The following FBXO27 variants were observed in gnomAD, a reference collection of about 807,000 sequenced individuals.
FBXO27 encodes the protein F-box only protein 27.
A neutral mutation model predicts 28.3 loss-of-function variants in FBXO27; 28 were observed. The ratio of observed to expected loss-of-function variants is 0.99; its 90% CI spans 0.73 to 1.36. The LOEUF (loss-of-function observed/expected upper bound fraction) is 1.36. Ranked by LOEUF, FBXO27 falls within the 40% of genes most tolerant of loss-of-function variation. The pLI is 0.00. For missense variants in FBXO27, 388 were observed against 394.1 expected (o/e 0.98, Z 0.13); for synonymous variants, 175 against 167.3 (o/e 1.05, Z -0.36).
chr19:39,016,610 A>AC (rs56852076), intron 1 of FBXO27, among the ~76,000 whole-genome samples: 1 of 147,742 alleles, frequency 6.8e-6, no homozygotes, highest in Non-Finnish European at 1.5e-5. Context: ...AAAAAAAAAA[A>AC]CCCAAAAGCC....
chr19:39,015,445 A>G (rs1292519549), intron 1 of FBXO27, among the ~76,000 whole-genome samples: 1 of 151,016 alleles, frequency 6.6e-6, no homozygotes, highest in Non-Finnish European at 1.5e-5. Context: ...AACCTGGGCA[A>G]CAAAGCAAGA....
intron 2 of FBXO27, among the ~76,000 whole-genome samples, chr19:39,006,561 A>AAAAAAG (rs1975735467): frequency 1.3e-5 from 2 of 151,734 alleles, no homozygotes; most frequent in African/African-American, 2.4e-5. Flanking sequence ...CTCCTTCTCA[A>AAAAAAG]AAAAAGAAAA....
intron 2 of FBXO27, among the ~76,000 whole-genome samples, chr19:39,010,041 C>T (rs1285272230): frequency 6.6e-6 from 1 of 151,960 alleles, no homozygotes; most frequent in Non-Finnish European, 1.5e-5. Flanking sequence ...AACTCCTGGA[C>T]TCAAGTGATC....
intron 2 of FBXO27, among the ~76,000 whole-genome samples, chr19:39,012,635 C>CTTCTT (rs201823960): frequency 2.0e-5 from 3 of 151,214 alleles, no homozygotes; most frequent in Admixed American, 6.6e-5. Context: ...AAATTTTCTT[C>CTTCTT]TTTTTTTTTG....
At chr19:39,012,524 T>A (rs528310951) in intron 2 of FBXO27, among the ~76,000 whole-genome samples, 1 of 152,248 alleles carries the variant, frequency 6.6e-6, no homozygotes, top group South Asian at 2.1e-4. Flanking sequence ...TCCAGAAGGG[T>A]TGGATACAAA....
rs372973327 is a variant in FBXO27 at position 39,026,856 on chromosome 19, C to T, written c.708+14G>A. ...CCCCAGCATCCTTTCCCCAAACCCC[C>T]ATAGGAGACTCACGTGAAGGCAGGC... On this transcript the variant is annotated intron_variant, in intron 5 of 5. Coordinates refer to ENST00000292853, the MANE Select transcript of FBXO27 (RefSeq NM_178820.5). 1.2e-6 allele frequency: 2 copies of T among 1,613,958 alleles called. No individual in the cohort carries two copies. Among genetic ancestry groups the T allele is most frequent in the African/African-American group, 2.7e-5 (2 of 74,920 alleles).
At chr19:39,025,783 G>A (rs1398039999) in intron 5 of FBXO27, among the ~76,000 whole-genome samples, 2 of 152,186 alleles carry the variant, frequency 1.3e-5, no homozygotes, top group Non-Finnish European at 2.9e-5. Flanking sequence ...GGGAGGCCGA[G>A]GCAGGTGGAT....
At chr19:39,013,372 G>A (rs1340397423) in intron 2 of FBXO27, among the ~76,000 whole-genome samples, 2 of 152,206 alleles carry the variant, frequency 1.3e-5, no homozygotes, top group Non-Finnish European at 2.9e-5. Flanking sequence ...GCTCATGCCT[G>A]CAATCCCAGC....
In FBXO27 at chr19:39,031,303, TC is replaced by T. The variant is rs1462361676; in HGVS notation, c.381del (p.Trp127Ter). The stretch of plus-strand genomic sequence containing the variant: ...CAGCCGTCCCCACCGTGTTGCACCA[TC>T]CACTTTCGGAGGCCTTCTGTGAAAT... ...NPCGQEGLRK[W>X]MVQHGGDGWV... On this transcript the variant is annotated frameshift_variant, in exon 3 of 6. Coordinates refer to ENST00000292853, the MANE Select transcript of FBXO27 (RefSeq NM_178820.5). LOFTEE classifies it high-confidence loss of function. The T allele has an allele frequency of 6.2e-7, 1 of 1,613,918 alleles. No homozygotes were observed. Among genetic ancestry groups the T allele is most frequent in the South Asian group, 1.1e-5 (1 of 91,070 alleles).
downstream of FBXO27, among the ~76,000 whole-genome samples, chr19:39,023,276 T>C (rs2072854495): frequency 6.6e-6 from 1 of 152,208 alleles, no homozygotes; most frequent in East Asian, 1.9e-4. Context: ...AATCCACAGA[T>C]GCAGAAGCTA....
At position 39,025,177 on chromosome 19, in the gene FBXO27, A is replaced by C; in HGVS notation, c.*234T>G. ...TCACTTGTGGGTTTCCCCTCAGTAC[A>C]GTAGGGCCCCCCCGCAAAGCAGCAG... On this transcript the variant is annotated 3_prime_UTR_variant, in exon 6 of 6. Transcript: ENST00000292853. 1 of 536,184 alleles carries C rather than the reference A, an allele frequency of 1.9e-6. No homozygotes were observed. The highest frequency in any genetic ancestry group is 3.2e-5 in the East Asian group (1 of 31,570). The allele number at this position is 536,184 out of a possible 1,614,324, so 33.2% of individuals were successfully genotyped here.
At chr19:39,030,533 G>T in intron 4 of FBXO27, 1 of 161,594 alleles carries the variant, frequency 6.2e-6, no homozygotes. Flanking sequence ...ACATCCTTTT[G>T]GGCATGAGCA....
chr19:39,031,550 G>A (rs1436523052), intron 2 of FBXO27: 3 of 615,234 alleles, frequency 4.9e-6, no homozygotes, highest in Non-Finnish European at 8.5e-6. Flanking sequence ...CCTCTCTCGG[G>A]CTCCCAGAAC....
At chr19:39,019,136 G>C (rs1044071685), downstream of FBXO27, among the ~76,000 whole-genome samples, 1 of 147,840 alleles carries the variant, frequency 6.8e-6, no homozygotes, top group East Asian at 2.0e-4. Flanking sequence ...TATAAGAAAG[G>C]CATACTTGCC....
At chr19:39,015,687 CTAAG>C (rs1304296247) in intron 1 of FBXO27, among the ~76,000 whole-genome samples, 1 of 152,102 alleles carries the variant, frequency 6.6e-6, no homozygotes, top group Non-Finnish European at 1.5e-5. Flanking sequence ...CTACATATCA[CTAAG>C]TAAGAGACCA....
At position 39,031,201 on chromosome 19, in the gene FBXO27, G is replaced by C; in HGVS notation, c.476+8C>G. The C allele has an allele frequency of 6.2e-7, 1 of 1,613,710 alleles. No homozygotes were observed. Among genetic ancestry groups the C allele is most frequent in the South Asian group, 1.1e-5 (1 of 91,080 alleles). ...GGGGCCGGACCTTTGGATAGCAGGG[G>C]CATTCACCTGAATGAAGTCACGAAG... On this transcript the variant is annotated splice_region_variant and intron_variant, in intron 3 of 5. Coordinates refer to ENST00000292853, the MANE Select transcript of FBXO27 (RefSeq NM_178820.5).
chr19:39,011,699 A>AG (rs1045189775), intron 2 of FBXO27, among the ~76,000 whole-genome samples: 361 of 8,070 alleles, frequency 0.045, 5 homozygotes, highest in African/African-American at 0.087. Context: ...GCGGCGGGGG[A>AG]GGGGGGGTCT....
rs2072864658 is a variant in FBXO27, at chr19:39,025,046, G to A, written c.*365C>T. ...GACAAGAGGTCAGTGGTGCGGAGGG[G>A]AGGGGATGGTACAGAGGGGCCTGGG... On this transcript the variant is annotated 3_prime_UTR_variant, in exon 6 of 6. Coordinates refer to ENST00000292853, the MANE Select transcript of FBXO27 (RefSeq NM_178820.5). The A allele has an allele frequency of 5.0e-6, 1 of 200,532 alleles. No homozygotes were observed. Among genetic ancestry groups the A allele is most frequent in the Non-Finnish European group, 1.0e-5 (1 of 97,886 alleles). 12.4% of individuals were successfully genotyped at this position (200,532 alleles called of 1,614,324 possible).
At chr19:39,028,942 T>C (rs2144902573) in intron 4 of FBXO27, among the ~76,000 whole-genome samples, 1 of 149,988 alleles carries the variant, frequency 6.7e-6, no homozygotes, top group African/African-American at 2.5e-5. Flanking sequence ...CTCAGGAGGC[T>C]GAGGTGGGAG....
Sources: gnomAD v4.1 joint callset for allele counts (sites outside exome capture counted in the v4.1 genomes callset) on GRCh38, gnomAD v4.1.1 for gene constraint, MANE v1.5 for transcripts, NCBI Gene and HGNC (gene_info 2026-07-23, HGNC 2026-07-21) for gene names.